The following CSNK2A2IP variants were observed in gnomAD, a reference collection of about 807,000 sequenced individuals.
CSNK2A2IP encodes the protein casein kinase 2 subunit alpha' interacting protein, also known as casein kinase II subunit alpha'-interacting protein.
chr3:88,412,948 C>A, the CSNK2A2IP span, among the ~76,000 whole-genome samples: 2 of 152,002 alleles, frequency 1.3e-5, no homozygotes, highest in Non-Finnish European at 2.9e-5. Context: ...TATGAATTGT[C>A]ATTTTTCAGC....
the CSNK2A2IP span, among the ~76,000 whole-genome samples, chr3:88,345,416 C>A: frequency 6.6e-6 from 1 of 151,944 alleles, no homozygotes; most frequent in South Asian, 2.1e-4. Flanking sequence ...CTTTGCTTTA[C>A]TGAGCTTCAC....
the CSNK2A2IP span, among the ~76,000 whole-genome samples, chr3:88,354,892 G>A: frequency 6.6e-6 from 1 of 152,070 alleles, no homozygotes; most frequent in Admixed American, 6.6e-5. Flanking sequence ...GTCAAGGCTA[G>A]GAATGGAAGC....
At chr3:88,368,651 T>C in the CSNK2A2IP span, among the ~76,000 whole-genome samples, 7 of 152,066 alleles carry the variant, frequency 4.6e-5, no homozygotes, top group Non-Finnish European at 8.8e-5. Flanking sequence ...CTCATATAAC[T>C]AGAACTGCAA....
the CSNK2A2IP span, among the ~76,000 whole-genome samples, chr3:88,379,268 G>C: frequency 6.6e-6 from 1 of 152,002 alleles, no homozygotes; most frequent in East Asian, 1.9e-4. Context: ...GGAACTGCCT[G>C]TTCCTCCCTC....
At chr3:88,345,990 A>G in the CSNK2A2IP span, among the ~76,000 whole-genome samples, 1 of 133,182 alleles carries the variant, frequency 7.5e-6, no homozygotes, top group African/African-American at 2.5e-5. Flanking sequence ...TGATACTCCA[A>G]TGACTACACA....
At chr3:88,467,487 G>A in the CSNK2A2IP span, 1 of 398,534 alleles carries the variant, frequency 2.5e-6, no homozygotes, top group Non-Finnish European at 4.4e-6. Context: ...TTAAAACAAA[G>A]CCTGTGAGGA....
the CSNK2A2IP span, among the ~76,000 whole-genome samples, chr3:88,449,169 ATTTTG>A: frequency 6.6e-6 from 1 of 151,952 alleles, no homozygotes; most frequent in Non-Finnish European, 1.5e-5. Flanking sequence ...TGGTGAACTT[ATTTTG>A]TTTTAACTTC....
chr3:88,419,392 G>A, the CSNK2A2IP span, among the ~76,000 whole-genome samples: 13 of 152,234 alleles, frequency 8.5e-5, no homozygotes, highest in South Asian at 2.3e-3. Flanking sequence ...TTACTCAGGA[G>A]TATGGCCTCC....
chr3:88,403,652 A>T, the CSNK2A2IP span, among the ~76,000 whole-genome samples: 1 of 152,100 alleles, frequency 6.6e-6, no homozygotes, highest in East Asian at 1.9e-4. Context: ...TCAGCACTTT[A>T]CATGCATTAT....
the CSNK2A2IP span, among the ~76,000 whole-genome samples, chr3:88,390,025 C>A: frequency 6.6e-6 from 1 of 151,908 alleles, no homozygotes; most frequent in Non-Finnish European, 1.5e-5. Flanking sequence ...AAAAACGGCT[C>A]GTCAGAATCA....
At chr3:88,395,942 T>G in the CSNK2A2IP span, among the ~76,000 whole-genome samples, 2 of 152,130 alleles carry the variant, frequency 1.3e-5, no homozygotes, top group Admixed American at 6.5e-5. Flanking sequence ...GAACTAATAT[T>G]TTTTGAGTAT....
chr3:88,449,854 C>CACACACATATATATATATATAT, the CSNK2A2IP span, among the ~76,000 whole-genome samples: 2 of 84,442 alleles, frequency 2.4e-5, no homozygotes, highest in African/African-American at 8.0e-5. Flanking sequence ...CACACACACA[C>CACACACATATATATATATATAT]ATATATATAT....
chr3:88,386,498 T>C, the CSNK2A2IP span, among the ~76,000 whole-genome samples: 1 of 152,140 alleles, frequency 6.6e-6, no homozygotes, highest in South Asian at 2.1e-4. Flanking sequence ...TGAGGTTTGG[T>C]CAGGAAAGTA....
chr3:88,383,472 A>C, the CSNK2A2IP span, among the ~76,000 whole-genome samples: 1 of 152,176 alleles, frequency 6.6e-6, no homozygotes. Flanking sequence ...TGTTTGGTGC[A>C]GAGTCAAGTC....
chr3:88,425,613 G>A, the CSNK2A2IP span, among the ~76,000 whole-genome samples: 7 of 152,216 alleles, frequency 4.6e-5, no homozygotes, highest in African/African-American at 1.7e-4. Context: ...GTTAAATAGT[G>A]TAAATGCCCA....
chr3:88,418,786 G>A, the CSNK2A2IP span, among the ~76,000 whole-genome samples: 1 of 152,036 alleles, frequency 6.6e-6, no homozygotes, highest in East Asian at 1.9e-4. Flanking sequence ...TAGGTCAAGG[G>A]TCCCCAACAC....
At chr3:88,421,760 T>C in the CSNK2A2IP span, among the ~76,000 whole-genome samples, 9 of 152,024 alleles carry the variant, frequency 5.9e-5, no homozygotes, top group South Asian at 2.1e-4. Flanking sequence ...AAGGACAGCA[T>C]TTCCCTCCTT....
the CSNK2A2IP span, among the ~76,000 whole-genome samples, chr3:88,377,045 G>A: frequency 1.1e-4 from 17 of 151,776 alleles, no homozygotes; most frequent in South Asian, 4.2e-4. Context: ...TAAAAATCCC[G>A]TTCTCCACCC....
chr3:88,406,799 A>C, the CSNK2A2IP span, among the ~76,000 whole-genome samples: 1 of 152,210 alleles, frequency 6.6e-6, no homozygotes, highest in Non-Finnish European at 1.5e-5. Flanking sequence ...AAATGTACGT[A>C]GTATTCAATA....
Sources: allele counts gnomAD v4.1 joint callset (sites outside exome capture counted in the v4.1 genomes callset), GRCh38; gene constraint gnomAD v4.1.1; transcripts MANE v1.5; gene names NCBI Gene and HGNC (gene_info 2026-07-23, HGNC 2026-07-21).